The following SIPA1L3 variants were observed in gnomAD, a reference collection of about 807,000 sequenced individuals.
SIPA1L3 encodes the protein signal induced proliferation associated 1 like 3.
SIPA1L3 carries 59 observed loss-of-function variants against 150.1 expected under a neutral mutation model. The observed-to-expected ratio is 0.39, with a 90% confidence interval of 0.32 to 0.49. The LOEUF is 0.49. SIPA1L3 is among the 20% of genes least tolerant of loss of function. SIPA1L3 has a pLI of 0.86. For missense variants in SIPA1L3, 2,211 were observed against 2,489.5 expected (o/e 0.89, Z 2.38); for synonymous variants, 1,070 against 1,077.6 (o/e 0.99, Z 0.14).
chr19:38,094,200 C>A (rs1419160792), intron 4 of SIPA1L3, among the ~76,000 whole-genome samples: 1 of 152,028 alleles, frequency 6.6e-6, no homozygotes, highest in Admixed American at 6.6e-5. Context: ...GCAAGTGTGA[C>A]CCCGTTTTTG....
chr19:38,196,774 G>A (rs1024559088), intron 18 of SIPA1L3, among the ~76,000 whole-genome samples: 6 of 151,042 alleles, frequency 4.0e-5, no homozygotes, highest in Admixed American at 1.3e-4. Context: ...GGCCGAGGGG[G>A]GAGCAAGGAG....
intron 12 of SIPA1L3, among the ~76,000 whole-genome samples, chr19:38,145,771 G>A (rs745466519): frequency 1.8e-4 from 28 of 151,896 alleles, no homozygotes; most frequent in Non-Finnish European, 1.5e-4. Context: ...TAACCATCAC[G>A]AGGTGCCTCA....
At chr19:38,182,989 T>C in intron 16 of SIPA1L3, 1 of 455,218 alleles carries the variant, frequency 2.2e-6, no homozygotes, top group Non-Finnish European at 3.9e-6. Flanking sequence ...GTGGTTATCC[T>C]TGTGCCATAT....
At chr19:38,111,559 A>C (rs997461942) in intron 8 of SIPA1L3, among the ~76,000 whole-genome samples, 1 of 152,118 alleles carries the variant, frequency 6.6e-6, no homozygotes, top group Non-Finnish European at 1.5e-5. Flanking sequence ...GTGTATGTGC[A>C]CCAGTAGTCA....
At chr19:37,977,002 T>G (rs56252444) in intron 1 of SIPA1L3, among the ~76,000 whole-genome samples, 44,971 of 151,748 alleles carry the variant, frequency 0.3, 7,353 homozygotes, top group Non-Finnish European at 0.37. Flanking sequence ...CCCCGGCTAA[T>G]TTTTTGTATG....
chr19:38,010,580 A>G (rs1175079648), intron 1 of SIPA1L3, among the ~76,000 whole-genome samples: 1 of 151,994 alleles, frequency 6.6e-6, no homozygotes, highest in Non-Finnish European at 1.5e-5. Context: ...GCGTGGTGGC[A>G]GGCACCTGTA....
At chr19:38,071,864 C>G (rs1354503934) in intron 2 of SIPA1L3, among the ~76,000 whole-genome samples, 1 of 152,108 alleles carries the variant, frequency 6.6e-6, no homozygotes, top group Non-Finnish European at 1.5e-5. Context: ...CCCGCCTGTC[C>G]CAAGAAGGAA....
rs1022400424 is a variant in SIPA1L3, at chr19:38,047,492, C to T, written c.-311+18336C>T. The stretch of plus-strand genomic sequence containing the variant: ...GTAAATATTTGTTGAATGAATGAAC[C>T]GACATGGCCAGTGACACAATGTCTC... On this transcript the variant is annotated intron_variant, in intron 2 of 21. Coordinates refer to ENST00000222345, the MANE Select transcript of SIPA1L3 (RefSeq NM_015073.3). This position sits in a 1 kb window ranked among gnomAD's most constrained non-coding sequence, Gnocchi z 4.7. 2.0e-5 allele frequency among the ~76,000 whole-genome samples: 3 copies of T among 152,118 alleles called. No individual in the cohort carries two copies. The highest frequency in any genetic ancestry group is 1.9e-4 in the East Asian group (1 of 5,196).
intron 8 of SIPA1L3, 104 bp from the exon 9 acceptor site, chr19:38,119,202 C>T: frequency 3.4e-6 from 4 of 1,160,730 alleles, no homozygotes; most frequent in East Asian, 2.4e-5. Flanking sequence ...CTCGATAAAA[C>T]AAACAAACAA....
rs1345100287 is a variant in SIPA1L3 at position 37,919,950 on chromosome 19, T to C, written c.-379+12592T>C. On this transcript the variant is annotated intron_variant, in intron 1 of 21. Coordinates refer to ENST00000222345, the MANE Select transcript of SIPA1L3 (RefSeq NM_015073.3). ...GTCTCGAACTCCCGACCTTAGGTGATCTGCCCACCTTGGCCTCCCAAAGTG... is the reference window on the plus strand; with the variant it reads ...GTCTCGAACTCCCGACCTTAGGTGACCTGCCCACCTTGGCCTCCCAAAGTG... Among the ~76,000 whole-genome samples the C allele has an allele frequency of 4.6e-5, 7 of 151,840 alleles. No homozygotes were observed. The East Asian group carries it at 1.4e-3, about 29-fold the overall frequency.
At chr19:37,995,630 C>T (rs1967621828) in intron 1 of SIPA1L3, among the ~76,000 whole-genome samples, 1 of 152,130 alleles carries the variant, frequency 6.6e-6, no homozygotes, top group Admixed American at 6.6e-5. Flanking sequence ...CTGCCAGATA[C>T]ACAGGAAAAT....
intron 12 of SIPA1L3, among the ~76,000 whole-genome samples, chr19:38,150,546 T>C (rs1016657827): frequency 5.9e-5 from 8 of 134,562 alleles, no homozygotes; most frequent in African/African-American, 2.1e-4. Flanking sequence ...TTTTTTTTTT[T>C]TTTTGAAATG....
Position 38,099,964 on chromosome 19 carries a change from C to T in SIPA1L3, c.1668C>T (p.Leu556=), listed in dbSNP as rs1970462944. 3 of 1,601,292 alleles carry T rather than the reference C, an allele frequency of 1.9e-6. No individual in the cohort carries two copies. Among genetic ancestry groups the T allele is most frequent in the Admixed American group, 1.8e-5 (1 of 56,656 alleles). Residue 556 remains leucine, a splice_region_variant and synonymous_variant, in exon 5 of 22, where the codon CTC becomes CTT. Coordinates refer to ENST00000222345, the MANE Select transcript of SIPA1L3 (RefSeq NM_015073.3). Reference sequence around the variant, plus strand: ...CTTCCCTTCTCTCCCTTGAGTAGCTCATCACCCTGCGGGGCTCCATCCTGG... The same window carrying T: ...CTTCCCTTCTCTCCCTTGAGTAGCTTATCACCCTGCGGGGCTCCATCCTGG... ...QYRIIFRTRE[L]ITLRGSILED...
chr19:38,014,738 C>T (rs915715062), intron 1 of SIPA1L3, among the ~76,000 whole-genome samples: 3 of 151,298 alleles, frequency 2.0e-5, no homozygotes, highest in Non-Finnish European at 4.4e-5. Context: ...GGCGCAATCT[C>T]GGCTCACTGC....
Position 38,081,699 on chromosome 19 carries a change from G to C in SIPA1L3, c.134G>C (p.Ser45Thr). Residue 45 changes from serine (S) to threonine (T), a missense_variant, in exon 3 of 22, where the codon AGC becomes ACC. By Grantham distance (58) the Ser-to-Thr change is moderately conservative (BLOSUM62 1). Coordinates refer to ENST00000222345, the MANE Select transcript of SIPA1L3 (RefSeq NM_015073.3). ...TTGGGATTCTGGGCCCAGAATGGCA[G>C]CATGTCCCAGCCTCTTGGCGAGAGC... ...APLGFWAQNG[S>T]MSQPLGESPA... 6.2e-7 allele frequency: 1 copy of C among 1,610,998 alleles called. No individual in the cohort carries two copies. The highest frequency in any genetic ancestry group is 8.5e-7 in the Non-Finnish European group (1 of 1,179,554).
At chr19:38,198,652 G>GA in intron 19 of SIPA1L3, 120 bp downstream of exon 19, 1 of 1,050,488 alleles carries the variant, frequency 9.5e-7, no homozygotes, top group Non-Finnish European at 1.2e-6. Flanking sequence ...CAGGGAGCAG[G>GA]GTTCAAGTCC....
chr19:38,050,471 C>CA (rs999879765), intron 2 of SIPA1L3, among the ~76,000 whole-genome samples: 3 of 152,120 alleles, frequency 2.0e-5, no homozygotes, highest in East Asian at 1.9e-4. Flanking sequence ...ACAACAACAA[C>CA]AAAAAAACAG....
intron 1 of SIPA1L3, among the ~76,000 whole-genome samples, chr19:37,931,773 A>G (rs2046556140): frequency 6.6e-6 from 1 of 152,142 alleles, no homozygotes; most frequent in South Asian, 2.1e-4. Context: ...TAAAATAAAT[A>G]AATAAAGTAG....
chr19:37,956,145 G>A (rs1039582786), intron 1 of SIPA1L3, among the ~76,000 whole-genome samples: 9 of 152,128 alleles, frequency 5.9e-5, no homozygotes, highest in Admixed American at 2.6e-4. Flanking sequence ...GCGTGCCACC[G>A]CCCCTGGCTG....
Sources: allele counts gnomAD v4.1 joint callset (sites outside exome capture counted in the v4.1 genomes callset), GRCh38; gene constraint gnomAD v4.1.1; non-coding constraint Gnocchi (gnomAD v3.1); transcripts MANE v1.5; gene names NCBI Gene and HGNC (gene_info 2026-07-23, HGNC 2026-07-21).